COL9A3: variants seen among roughly 807,000 people sequenced by gnomAD.
COL9A3 encodes the protein collagen type IX alpha 3 chain.
In COL9A3, 82 loss-of-function variants were observed where a neutral mutation model predicts 110.2. The observed-to-expected ratio is 0.74, with a 90% CI of 0.62 to 0.89. COL9A3 has a LOEUF of 0.89. Ranked by LOEUF, COL9A3 falls within the 40% of genes least tolerant of loss-of-function variation. The pLI is 0.00. For synonymous variants in COL9A3, 494 were observed against 403.8 expected, an observed-to-expected ratio of 1.22 and a Z score of -2.68; for missense variants, 1,066 against 981.3, an observed-to-expected ratio of 1.09 and a Z score of -1.15.
At chr20:62,819,479 G>A (rs1991049727) in intron 4 of COL9A3, among the ~76,000 whole-genome samples, 186 bp downstream of exon 4, 1 of 152,246 alleles carries the variant, frequency 6.6e-6, no homozygotes, top group Admixed American at 6.5e-5. Flanking sequence ...GCATCTGGCA[G>A]GGGACAGAGC....
intron 17 of COL9A3, among the ~76,000 whole-genome samples, chr20:62,828,397 T>C (rs1432745341): frequency 6.6e-6 from 1 of 152,232 alleles, no homozygotes; most frequent in Non-Finnish European, 1.5e-5. Flanking sequence ...GTTGGCTGTG[T>C]CCTGATTCCA....
intron 24 of COL9A3, among the ~76,000 whole-genome samples, chr20:62,830,978 G>A (rs551515657): frequency 1.3e-5 from 2 of 151,664 alleles, no homozygotes; most frequent in South Asian, 4.2e-4. Context: ...CGGGAGCCTG[G>A]GCCGCTCTGC....
At chr20:62,828,646 G>A in intron 17 of COL9A3, 118 bp from the exon 18 acceptor site, 1 of 1,159,072 alleles carries the variant, frequency 8.6e-7, no homozygotes, top group Non-Finnish European at 1.3e-6. Flanking sequence ...TAACTGCCAG[G>A]GTGTGGGGGC....
At chr20:62,827,320 T>C in intron 16 of COL9A3, 26 bp downstream of exon 16, 8 of 1,611,704 alleles carry the variant, frequency 5.0e-6, no homozygotes, top group Non-Finnish European at 6.8e-6. Flanking sequence ...GTTGGTTCCC[T>C]GGGTCCTTAT....
At chr20:62,836,415 C>T (rs554991681) in intron 28 of COL9A3, 63 bp from the exon 29 acceptor site, 164 of 1,613,590 alleles carry the variant, frequency 1.0e-4, no homozygotes, top group East Asian at 1.8e-4. Flanking sequence ...TGCGGGGTGA[C>T]GGTGGGAATG....
In COL9A3 at chr20:62,829,472, G is replaced by C. The variant is rs781614543; in HGVS notation, c.1026G>C (p.Ala342=). 5 of 1,612,744 alleles carry C rather than the reference G, an allele frequency of 3.1e-6. No homozygotes were observed. In the Admixed American group the frequency reaches 8.3e-5, roughly 27 times the overall value. ...CCTGGCAGGGCCTCCCTGGACGAGC[G>C]GGGTCCAAAGGCGAGAAGGGAGAAC... is the stretch of plus-strand genomic sequence containing the variant. ...PNGLPGLPGR[A]GSKGEKGERG... is the part of the protein sequence containing the mutation. The change falls in exon 20 of 32, where the codon GCG becomes GCC. Residue 342 remains alanine, a synonymous_variant. Coordinates refer to ENST00000649368, the MANE Select transcript of COL9A3 (RefSeq NM_001853.4).
Position 62,835,961 on chromosome 20 carries a change from C to A in COL9A3, c.1401+8C>A, listed in dbSNP as rs2063631593. The A allele has an allele frequency of 3.7e-6, 6 of 1,614,122 alleles. No individual in the cohort carries two copies. Among genetic ancestry groups the A allele is most frequent in the African/African-American group, 1.3e-5 (1 of 74,956 alleles). On this transcript the variant is annotated splice_region_variant and intron_variant, in intron 27 of 31. Transcript: ENST00000649368. ...GTCGGACCCAAAGGAGAGGTGAGTG[C>A]CCGGCGACTGTTCCGATGACACCAT...
chr20:62,824,783 C>T (rs1297870218), intron 11 of COL9A3, among the ~76,000 whole-genome samples, 185 bp from the exon 12 acceptor site: 4 of 152,320 alleles, frequency 2.6e-5, no homozygotes, highest in Admixed American at 6.5e-5. Flanking sequence ...GACCGCAGAG[C>T]GCCCTCATGT....
intron 30 of COL9A3, 69 bp downstream of exon 30, chr20:62,837,334 G>T: frequency 2.7e-6 from 4 of 1,499,926 alleles, no homozygotes; most frequent in Non-Finnish European, 3.6e-6. Context: ...GTTAGTAGGC[G>T]CTGCTTCTGG....
Position 62,819,928 on chromosome 20 carries a change from G to C in COL9A3, c.256-1G>C. ...CGAGCTCGCCCTCTGCCTCTCCCCA[G>C]GGTCTGACTGGACGAGATGGACCCC... On this transcript the variant is annotated splice_acceptor_variant, in intron 4 of 31. Transcript: ENST00000649368. LOFTEE classifies it high-confidence loss of function. 6.2e-7 allele frequency: 1 copy of C among 1,612,908 alleles called. No homozygotes were observed. Among genetic ancestry groups the C allele is most frequent in the Non-Finnish European group, 8.5e-7 (1 of 1,180,000 alleles).
In COL9A3 at chr20:62,828,752, C is replaced by T. The variant is rs551794804; in HGVS notation, c.901-12C>T. 1 of 1,612,658 alleles carries T rather than the reference C, an allele frequency of 6.2e-7. No individual in the cohort carries two copies. Among genetic ancestry groups the T allele is most frequent in the African/African-American group, 1.3e-5 (1 of 75,074 alleles). On this transcript the variant is annotated splice_polypyrimidine_tract_variant and intron_variant, in intron 17 of 31. Coordinates refer to ENST00000649368, the MANE Select transcript of COL9A3 (RefSeq NM_001853.4). ...CACTGCCCGACGGGCCTTACTCATC[C>T]CTTGTCCCCAGGGCATGCCGGGCAA...
At position 62,824,894 on chromosome 20, in the gene COL9A3, G is replaced by A; in HGVS notation, c.577-74G>A. On this transcript the variant is annotated intron_variant, in intron 11 of 31. Coordinates refer to ENST00000649368, the MANE Select transcript of COL9A3 (RefSeq NM_001853.4). ...GGCCCTGGGCTGACTGACCCTGCAG[G>A]CCTCACTTCAGTGTTGCCAGGGAGG... The A allele has an allele frequency of 2.1e-6, 3 of 1,457,314 alleles. 1 individual carries two copies. Among genetic ancestry groups the A allele is most frequent in the South Asian group, 2.4e-5 (2 of 83,478 alleles). 90.3% of individuals were successfully genotyped at this position (1,457,314 alleles called of 1,614,324 possible).
chr20:62,835,994 C>T (rs757780997), intron 27 of COL9A3, 41 bp downstream of exon 27: 24 of 1,613,942 alleles, frequency 1.5e-5, no homozygotes, highest in South Asian at 5.5e-5. Flanking sequence ...CATCCATGGG[C>T]GCCTGCTGGC....
intron 30 of COL9A3, among the ~76,000 whole-genome samples, chr20:62,837,534 C>T (rs768003672): frequency 1.9e-4 from 29 of 152,226 alleles, no homozygotes; most frequent in Middle Eastern, 3.4e-3. Flanking sequence ...GAAGGCTGGG[C>T]GCGGTGGCTC....
chr20:62,826,140 C>A, intron 13 of COL9A3, 64 bp from the exon 14 acceptor site: 1 of 1,516,794 alleles, frequency 6.6e-7, no homozygotes. Flanking sequence ...AGGGCCTTGG[C>A]CCTGGGTGCT....
intron 10 of COL9A3, among the ~76,000 whole-genome samples, chr20:62,823,422 G>A (rs1023099760): frequency 1.3e-5 from 2 of 152,210 alleles, no homozygotes; most frequent in African/African-American, 2.4e-5. Context: ...GGCAGTCAGC[G>A]CCTTGTTTCC....
At chr20:62,816,557 G>C (rs1807555178), upstream of COL9A3, among the ~76,000 whole-genome samples, 1 of 152,206 alleles carries the variant, frequency 6.6e-6, no homozygotes, top group Admixed American at 6.5e-5. Flanking sequence ...GCGGGAACCA[G>C]GGCTGCGCTG....
At position 62,840,552 on chromosome 20, in the gene COL9A3, C is replaced by T. The variant is rs779514361; in HGVS notation, c.1875C>T (p.Gly625=). 65 of 1,611,754 alleles carry T rather than the reference C, an allele frequency of 4.0e-5. No individual in the cohort carries two copies. In the Middle Eastern group the frequency reaches 6.1e-4, roughly 15 times the overall value. The change falls in exon 32 of 32, where the codon GGC becomes GGT. Residue 625 remains glycine (G), a synonymous_variant. Coordinates refer to ENST00000649368, the MANE Select transcript of COL9A3 (RefSeq NM_001853.4). ...CTGCTCTGTCCCAAGGACCCCAAGGCGTGCCCGGCACCAGCAAGGACGGCC... is the reference window on the plus strand; with the variant it reads ...CTGCTCTGTCCCAAGGACCCCAAGGTGTGCCCGGCACCAGCAAGGACGGCC... The part of the protein sequence containing the change: ...EGDQGPQGPQ[G]VPGTSKDGQD...
rs371117200 is a variant in COL9A3, at chr20:62,829,435, C to G, written c.1009-20C>G. On this transcript the variant is annotated intron_variant, in intron 19 of 31. Transcript: ENST00000649368. ...GTGCAATGTAACTGGCAGCCCTGAC[C>G]GCAAGCTCTCTCCTGGCAGGGCCTC... 3.7e-6 allele frequency: 6 copies of G among 1,612,526 alleles called. 1 individual carries two copies. The South Asian group carries it at 5.5e-5, about 15-fold the overall frequency.
Sources: allele counts gnomAD v4.1 joint callset (sites outside exome capture counted in the v4.1 genomes callset), GRCh38; gene constraint gnomAD v4.1.1; transcripts MANE v1.5; gene names NCBI Gene and HGNC (gene_info 2026-07-23, HGNC 2026-07-21).